Variants in SIRPA observed in about 807,000 individuals in gnomAD.
The protein encoded by SIRPA is tyrosine-protein phosphatase non-receptor type substrate 1.
In SIRPA, 9 loss-of-function variants were observed where a neutral mutation model predicts 50.3. The ratio of observed to expected loss-of-function variants is 0.18; its 90% CI spans 0.11 to 0.31. SIRPA has a LOEUF of 0.31. Ranked by LOEUF, SIRPA falls within the 10% of genes least tolerant of loss-of-function variation. The pLI is 1.00. For synonymous variants in SIRPA, 265 were observed against 284.1 expected, an observed-to-expected ratio of 0.93 and a Z score of 0.68; for missense variants, 474 against 661.6, an observed-to-expected ratio of 0.72 and a Z score of 3.11.
At chr20:1,909,778 G>A (rs983070845) in intron 1 of SIRPA, among the ~76,000 whole-genome samples, 13 of 152,096 alleles carry the variant, frequency 8.5e-5, no homozygotes, top group African/African-American at 2.7e-4. Flanking sequence ...GTGAGACTTC[G>A]TCTCAAAAGA....
intron 7 of SIRPA, among the ~76,000 whole-genome samples, chr20:1,935,127 C>T (rs1359310475): frequency 6.6e-6 from 1 of 152,212 alleles, no homozygotes. Context: ...GCTCACTGCC[C>T]GCTCCTCACA....
At chr20:1,909,840 C>A (rs1300253354) in intron 1 of SIRPA, among the ~76,000 whole-genome samples, 1 of 152,218 alleles carries the variant, frequency 6.6e-6, no homozygotes, top group African/African-American at 2.4e-5. Flanking sequence ...ATATTTTCAT[C>A]TTTTAATCTC....
chr20:1,930,747 C>A (rs1375715161), intron 6 of SIRPA, among the ~76,000 whole-genome samples: 1 of 152,132 alleles, frequency 6.6e-6, no homozygotes, highest in African/African-American at 2.4e-5. Flanking sequence ...TGCGCCACCA[C>A]CCCCGGCTAA....
At chr20:1,900,945 G>A (rs763825084) in intron 1 of SIRPA, among the ~76,000 whole-genome samples, 5 of 152,166 alleles carry the variant, frequency 3.3e-5, no homozygotes, top group Non-Finnish European at 7.3e-5. Flanking sequence ...GGCTCTGAAT[G>A]GTGAAGCAGC....
intron 1 of SIRPA, among the ~76,000 whole-genome samples, chr20:1,901,463 A>G (rs1046174815): frequency 6.6e-6 from 1 of 151,734 alleles, no homozygotes; most frequent in Non-Finnish European, 1.5e-5. Context: ...GAGCCACTGC[A>G]CCCGGCCTCC....
rs758325089 is a variant in SIRPA, at chr20:1,936,805, C to G, written c.1267-515C>G. Among the ~76,000 whole-genome samples, 1 of 152,152 alleles carries G rather than the reference C, an allele frequency of 6.6e-6. No homozygotes were observed. Among genetic ancestry groups the G allele is most frequent in the Non-Finnish European group, 1.5e-5 (1 of 68,030 alleles). ...CCTCAGGCCCCCAAACAGACATGGT[C>G]CTGGGTAGCGGGCCCTGTGATGGAA... On this transcript the variant is annotated intron_variant, in intron 7 of 7. Coordinates refer to ENST00000358771, the MANE Select transcript of SIRPA (RefSeq NM_001040023.2). The surrounding 1 kb of genome is among the most constrained non-coding windows in gnomAD (Gnocchi z 4.2).
At chr20:1,921,108 C>G (rs537509246) in intron 2 of SIRPA, among the ~76,000 whole-genome samples, 2 of 152,304 alleles carry the variant, frequency 1.3e-5, no homozygotes, top group Admixed American at 1.3e-4. Context: ...ATCCTGTGCC[C>G]AAATTGCTGG....
upstream of SIRPA, chr20:1,894,852 G>A (rs1269894827): frequency 4.7e-5 from 7 of 147,828 alleles, no homozygotes; most frequent in East Asian, 1.2e-3. The surrounding 1 kb of genome is among the most constrained non-coding windows in gnomAD (Gnocchi z 4.0). Context: ...GACGGGAGGA[G>A]GGGAAAGGGA....
intron 1 of SIRPA, among the ~76,000 whole-genome samples, chr20:1,903,797 A>G (rs1984381626): frequency 6.6e-6 from 1 of 152,090 alleles, no homozygotes; most frequent in Non-Finnish European, 1.5e-5. Flanking sequence ...CCATTCCAAA[A>G]GAGGTTATCG....
chr20:1,925,104 CCGTGTCCTCAAG>C (rs1985904371), intron 5 of SIRPA, among the ~76,000 whole-genome samples: 1 of 152,166 alleles, frequency 6.6e-6, no homozygotes, highest in Admixed American at 6.5e-5. Context: ...GCCCCAGGCC[CCGTGTCCTCAAG>C]GGGCCACTAC....
chr20:1,922,222 A>C (rs1437718818), intron 3 of SIRPA, 91 bp from the exon 4 acceptor site: 21 of 1,510,030 alleles, frequency 1.4e-5, no homozygotes, highest in East Asian at 9.3e-5. Context: ...CCTGGTGATG[A>C]CCTCACCGTG....
At chr20:1,901,646 T>C (rs1401225530) in intron 1 of SIRPA, among the ~76,000 whole-genome samples, 1 of 152,140 alleles carries the variant, frequency 6.6e-6, no homozygotes, top group Non-Finnish European at 1.5e-5. Context: ...CTCCACGAGA[T>C]GGATTTTCCC....
rs887642495 is a variant in SIRPA, at chr20:1,927,698, T to C, written c.1202-177T>C. Among the ~76,000 whole-genome samples the C allele has an allele frequency of 7.2e-5, 11 of 152,254 alleles. No homozygotes were observed. Among genetic ancestry groups the C allele is most frequent in the African/African-American group, 2.7e-4 (11 of 41,468 alleles). On this transcript the variant is annotated intron_variant, in intron 5 of 7. Transcript: ENST00000358771. This position sits in a 1 kb window ranked among gnomAD's most constrained non-coding sequence, Gnocchi z 6.5. ...CATCTAGCTTACTCCTTCCCAGGCT[T>C]CCTTGGTGGAAGAGGATGCCCACTG...
Position 1,922,626 on chromosome 20 carries a change from G to A in SIRPA, c.1068G>A (p.Gln356=). The part of the protein sequence containing the change: ...DLKVSAHPKE[Q]GSNTAAENTG... ...AGGTCTCAGCCCACCCGAAGGAGCA[G>A]GGCTCAAATACCGCCGCTGGTGAGG... Residue 356 remains glutamine (Q), a synonymous_variant, in exon 4 of 8, where the codon CAG becomes CAA. Coordinates refer to ENST00000358771, the MANE Select transcript of SIRPA (RefSeq NM_001040023.2). The A allele has an allele frequency of 6.2e-7, 1 of 1,612,876 alleles. No individual in the cohort carries two copies. Among genetic ancestry groups the A allele is most frequent in the Non-Finnish European group, 8.5e-7 (1 of 1,179,446 alleles).
chr20:1,907,135 C>T (rs1161810838), intron 1 of SIRPA, among the ~76,000 whole-genome samples: 1 of 152,090 alleles, frequency 6.6e-6, no homozygotes, highest in Non-Finnish European at 1.5e-5. Context: ...TCTGCCCCTT[C>T]CCTGCAGGGA....
At position 1,938,845 on chromosome 20, in the gene SIRPA, A is replaced by C. The variant is rs1238071337; in HGVS notation, c.*1277A>C. The C allele has an allele frequency of 1.3e-5, 2 of 152,734 alleles. No individual in the cohort carries two copies. Among genetic ancestry groups the C allele is most frequent in the African/African-American group, 2.4e-5 (1 of 41,472 alleles). The allele number at this position is 152,734 out of a possible 1,614,324, so 9.5% of individuals were successfully genotyped here. ...ATGACACCCCTCCCCACCACCTCTC[A>C]TAAGCACTTTAGGAACACACAGAGG... On this transcript the variant is annotated 3_prime_UTR_variant, in exon 8 of 8. Transcript: ENST00000358771.
chr20:1,894,518 G>A (rs1351712964), upstream of SIRPA: 1 of 151,802 alleles, frequency 6.6e-6, no homozygotes, highest in Non-Finnish European at 1.5e-5. This position sits in a 1 kb window ranked among gnomAD's most constrained non-coding sequence, Gnocchi z 4.0. Context: ...GGCGGCGCAG[G>A]TCCGGGCCCG....
intron 1 of SIRPA, among the ~76,000 whole-genome samples, chr20:1,899,101 C>CCT (rs770934143): frequency 3.3e-5 from 5 of 151,820 alleles, no homozygotes; most frequent in Non-Finnish European, 7.4e-5. Context: ...AGGTTTCCCC[C>CCT]CTCTCTCTCT....
intron 1 of SIRPA, among the ~76,000 whole-genome samples, chr20:1,902,172 G>C (rs1476258020): frequency 6.6e-6 from 1 of 152,086 alleles, no homozygotes; most frequent in Non-Finnish European, 1.5e-5. Context: ...CCCTATTTTT[G>C]CTAGGGAGAG....
Sources: allele counts gnomAD v4.1 joint callset (sites outside exome capture counted in the v4.1 genomes callset), GRCh38; gene constraint gnomAD v4.1.1; non-coding constraint Gnocchi (gnomAD v3.1); transcripts MANE v1.5; gene names NCBI Gene and HGNC (gene_info 2026-07-23, HGNC 2026-07-21).